Variants in TENM4 observed in about 807,000 individuals in gnomAD.
TENM4 encodes teneurin transmembrane protein 4, also known as teneurin-4.
Under a neutral mutation model 243.3 loss-of-function variants are expected in TENM4, and 82 were observed. That is an observed-to-expected ratio of 0.34 (90% CI 0.28 to 0.40). TENM4 has a LOEUF of 0.40. TENM4 is among the 10% of genes least tolerant of loss of function. TENM4 has a pLI of 1.00. For missense variants in TENM4, 3,138 were observed against 3,673.3 expected, an observed-to-expected ratio of 0.85 and a Z score of 3.77; for synonymous variants, 1,412 against 1,456.3, an observed-to-expected ratio of 0.97 and a Z score of 0.69.
At chr11:79,289,778 T>C (rs1425130207) in intron 2 of TENM4, among the ~76,000 whole-genome samples, 1 of 152,228 alleles carries the variant, frequency 6.6e-6, no homozygotes, top group Non-Finnish European at 1.5e-5. Flanking sequence ...TAATAGCTTG[T>C]CATCTATGTT....
At chr11:79,253,881 T>C (rs1329091378) in intron 2 of TENM4, among the ~76,000 whole-genome samples, 1 of 152,160 alleles carries the variant, frequency 6.6e-6, no homozygotes, top group African/African-American at 2.4e-5. Context: ...AATATGAATA[T>C]TCTATTTACA....
At chr11:79,081,960 T>C (rs1860686829) in intron 4 of TENM4, among the ~76,000 whole-genome samples, 1 of 152,148 alleles carries the variant, frequency 6.6e-6, no homozygotes, top group African/African-American at 2.4e-5. Flanking sequence ...AGGTGGGTTG[T>C]CCTTGGGAAA....
At chr11:78,997,478 T>C (rs1858204582) in intron 6 of TENM4, among the ~76,000 whole-genome samples, 1 of 152,180 alleles carries the variant, frequency 6.6e-6, no homozygotes, top group African/African-American at 2.4e-5. Flanking sequence ...TTAAGACTGG[T>C]TAAAATACGT....
intron 4 of TENM4, among the ~76,000 whole-genome samples, chr11:79,143,425 G>A (rs1188384513): frequency 6.6e-6 from 1 of 152,016 alleles, no homozygotes; most frequent in Non-Finnish European, 1.5e-5. Context: ...CTATCGCAAG[G>A]ACAGAAAACC....
At chr11:78,904,359 C>CAAAA (rs61503457) in intron 6 of TENM4, among the ~76,000 whole-genome samples, 5 of 77,260 alleles carry the variant, frequency 6.5e-5, no homozygotes, top group South Asian at 4.1e-4. Context: ...GACTCTGTCT[C>CAAAA]AAAAAAAAAA....
At chr11:78,794,084 A>G (rs1338424254) in intron 15 of TENM4, among the ~76,000 whole-genome samples, 1 of 152,198 alleles carries the variant, frequency 6.6e-6, no homozygotes, top group East Asian at 1.9e-4. Flanking sequence ...CCATCAGCCC[A>G]TCTATCTGTC....
At chr11:79,004,120 C>T (rs56024811) in intron 6 of TENM4, among the ~76,000 whole-genome samples, 11 of 151,950 alleles carry the variant, frequency 7.2e-5, no homozygotes, top group African/African-American at 1.7e-4. Context: ...CATCCAACAC[C>T]GGAGAACTCA....
chr11:79,005,449 T>C (rs1858457037), intron 6 of TENM4, among the ~76,000 whole-genome samples: 1 of 152,166 alleles, frequency 6.6e-6, no homozygotes, highest in Non-Finnish European at 1.5e-5. Flanking sequence ...TTGTTCAATA[T>C]ACGCAAGTCA....
chr11:79,089,636 G>A (rs1020138655), intron 4 of TENM4, among the ~76,000 whole-genome samples: 19 of 152,142 alleles, frequency 1.2e-4, no homozygotes, highest in Non-Finnish European at 2.4e-4. Flanking sequence ...CGAATAGCAA[G>A]TAGTATCCTT....
intron 2 of TENM4, among the ~76,000 whole-genome samples, chr11:79,267,119 C>G (rs1193692463): frequency 6.6e-6 from 1 of 152,052 alleles, no homozygotes; most frequent in Non-Finnish European, 1.5e-5. Context: ...TGTCACCTTC[C>G]TCTCCCTTTC....
At chr11:78,734,808 T>A (rs1855750785) in intron 20 of TENM4, among the ~76,000 whole-genome samples, 1 of 152,196 alleles carries the variant, frequency 6.6e-6, no homozygotes, top group Non-Finnish European at 1.5e-5. Context: ...GAGTCCTCTG[T>A]CTTTTCAGAA....
At chr11:78,851,531 A>C (rs1241009683) in intron 12 of TENM4, among the ~76,000 whole-genome samples, 2 of 152,204 alleles carry the variant, frequency 1.3e-5, no homozygotes. Context: ...ATTTATGCTA[A>C]GTTATTAAAA....
At chr11:79,236,071 C>G (rs941690457) in intron 2 of TENM4, among the ~76,000 whole-genome samples, 3 of 152,150 alleles carry the variant, frequency 2.0e-5, no homozygotes, top group African/African-American at 7.2e-5. Context: ...GAAGGATACT[C>G]AGGGTTCACG....
intron 28 of TENM4, among the ~76,000 whole-genome samples, chr11:78,699,478 T>G (rs189247005): frequency 1.3e-5 from 2 of 152,344 alleles, no homozygotes; most frequent in African/African-American, 4.8e-5. Context: ...GGAAAGAGCC[T>G]GGCACATAGT....
At chr11:79,300,965 C>G (rs940443738) in intron 1 of TENM4, among the ~76,000 whole-genome samples, 9 of 152,122 alleles carry the variant, frequency 5.9e-5, no homozygotes, top group Admixed American at 2.6e-4. Context: ...CACAGCCAAT[C>G]AATCACCAAG....
Position 78,831,008 on chromosome 11 carries a change from C to T in TENM4, c.1682-16613G>A, listed in dbSNP as rs559769344. Among the ~76,000 whole-genome samples, 61 of 152,308 alleles carry T rather than the reference C, an allele frequency of 4.0e-4. 2 individuals are homozygous for T. The Middle Eastern group carries it at 0.027, about 68-fold the overall frequency. On this transcript the variant is annotated intron_variant, in intron 12 of 33. Coordinates refer to ENST00000278550, the MANE Select transcript of TENM4 (RefSeq NM_001098816.3). ...CTGTGATAAACCCATTAAACTCATA[C>T]ATTATTTCATAACTCTTACCCCAGC...
At chr11:79,401,457 C>T (rs927454592) in intron 1 of TENM4, among the ~76,000 whole-genome samples, 1 of 152,176 alleles carries the variant, frequency 6.6e-6, no homozygotes, top group African/African-American at 2.4e-5. Context: ...AGGTGACACT[C>T]AAATGGAGAC....
chr11:79,274,712 A>G (rs975937738), intron 2 of TENM4, among the ~76,000 whole-genome samples: 1 of 152,148 alleles, frequency 6.6e-6, no homozygotes, highest in African/African-American at 2.4e-5. Flanking sequence ...TTGGGGGGGA[A>G]AAAGGCTTAA....
chr11:79,187,574 G>A (rs1863401516), intron 3 of TENM4, among the ~76,000 whole-genome samples: 2 of 152,180 alleles, frequency 1.3e-5, no homozygotes, highest in African/African-American at 4.8e-5. Flanking sequence ...ACTCTACAAG[G>A]AAAGGAATTT....
Sources: allele counts gnomAD v4.1 joint callset (sites outside exome capture counted in the v4.1 genomes callset), GRCh38; gene constraint gnomAD v4.1.1; transcripts MANE v1.5; gene names NCBI Gene and HGNC (gene_info 2026-07-23, HGNC 2026-07-21).